RTRAF: variants seen among roughly 807,000 people sequenced by gnomAD.
The protein encoded by RTRAF is tRNA-splicing ligase complex subunit RTRAF.
Under a neutral mutation model 34.4 loss-of-function variants are expected in RTRAF, and 14 were observed. The observed-to-expected ratio is 0.41, with a 90% CI of 0.27 to 0.64. The LOEUF (loss-of-function observed/expected upper bound fraction) is 0.64, where lower values mean the gene tolerates loss of function less well. Ranked by LOEUF, RTRAF falls within the 30% of genes least tolerant of loss-of-function variation. RTRAF has a pLI of 0.34. For missense variants in RTRAF, 291 were observed against 288.4 expected, an observed-to-expected ratio of 1.01 and a Z score of -0.06; for synonymous variants, 96 against 95.3, an observed-to-expected ratio of 1.01 and a Z score of -0.04.
chr14:52,003,507 G>A (rs1406845483), intron 6 of RTRAF, among the ~76,000 whole-genome samples: 1 of 152,080 alleles, frequency 6.6e-6, no homozygotes, highest in East Asian at 1.9e-4. Flanking sequence ...GAAAGTACGG[G>A]TAGTGTGTTT....
chr14:51,991,048 G>A (rs1890425834), intron 1 of RTRAF, among the ~76,000 whole-genome samples: 1 of 152,028 alleles, frequency 6.6e-6, no homozygotes, highest in Non-Finnish European at 1.5e-5. Flanking sequence ...CCCTCATTTT[G>A]TAGCTGAAGA....
intron 2 of RTRAF, among the ~76,000 whole-genome samples, chr14:51,992,055 A>G (rs532548401): frequency 1.3e-5 from 2 of 152,280 alleles, no homozygotes; most frequent in African/African-American, 4.8e-5. Flanking sequence ...TGTCGTGTTT[A>G]TGCTTATATT....
In RTRAF at chr14:51,998,485, T is replaced by C; in HGVS notation, c.287-9T>C. 6.6e-7 allele frequency: 1 copy of C among 1,519,500 alleles called. No homozygotes were observed. Among genetic ancestry groups the C allele is most frequent in the Non-Finnish European group, 8.9e-7 (1 of 1,124,606 alleles). The allele number at this position is 1,519,500 out of a possible 1,614,324, so 94.1% of individuals were successfully genotyped here. ...GTTGTACAAATTATATTTTTGCCTGTTTTTATAGCTGAAAAATACAAGGAT... is the reference window on the plus strand; with the variant it reads ...GTTGTACAAATTATATTTTTGCCTGCTTTTATAGCTGAAAAATACAAGGAT... On this transcript the variant is annotated splice_polypyrimidine_tract_variant and intron_variant, in intron 3 of 7. Transcript: ENST00000261700.
chr14:52,001,929 T>G (rs577955875), intron 6 of RTRAF, 63 bp downstream of exon 6: 2 of 1,372,332 alleles, frequency 1.5e-6, no homozygotes, highest in Admixed American at 2.1e-5. Context: ...GGCCGTGATT[T>G]TAAACTTTGC....
chr14:51,993,853 G>A (rs755362260), intron 3 of RTRAF, 31 bp downstream of exon 3: 6 of 1,341,132 alleles, frequency 4.5e-6, no homozygotes, highest in Non-Finnish European at 5.2e-6. Flanking sequence ...GTATTTTAAA[G>A]AGAGAGGAAA....
Position 52,008,105 on chromosome 14 carries a change from A to C in RTRAF, c.*3589A>C, listed in dbSNP as rs1009586906. 2.6e-5 allele frequency: 16 copies of C among 605,276 alleles called. No individual in the cohort carries two copies. Among genetic ancestry groups the C allele is most frequent in the Non-Finnish European group, 4.5e-5 (16 of 358,174 alleles). The allele number at this position is 605,276 out of a possible 1,614,324, so 37.5% of individuals were successfully genotyped here. Reference sequence around the variant, plus strand: ...CCCCTTGAGTTTGGGCTGCATTAGTAGTGTCTTGCTTCTTCTAGTGCATAG... The same window carrying C: ...CCCCTTGAGTTTGGGCTGCATTAGTCGTGTCTTGCTTCTTCTAGTGCATAG... On this transcript the variant is annotated 3_prime_UTR_variant, in exon 8 of 8. Transcript: ENST00000261700.
chr14:51,992,689 A>G (rs1890451014), intron 2 of RTRAF, among the ~76,000 whole-genome samples: 2 of 152,192 alleles, frequency 1.3e-5, no homozygotes, highest in Non-Finnish European at 2.9e-5. Context: ...ATTCATGTGT[A>G]CAAGACAGTA....
chr14:52,008,059 T>C lies in RTRAF; in HGVS notation c.*3543T>C. On this transcript the variant is annotated 3_prime_UTR_variant, in exon 8 of 8. Transcript: ENST00000261700. ...GCCCCCAGTGATCTCCATCTCCTCA[T>C]GTATTATAGCCTTAAGCAATCCCCT... 1 of 1,022,284 alleles carries C rather than the reference T, an allele frequency of 9.8e-7. No individual in the cohort carries two copies. Among genetic ancestry groups the C allele is most frequent in the Non-Finnish European group, 1.4e-6 (1 of 694,490 alleles). The allele number at this position is 1,022,284 out of a possible 1,614,324, so 63.3% of individuals were successfully genotyped here.
At chr14:51,989,846 C>A in intron 1 of RTRAF, 146 bp downstream of exon 1, 1 of 704,766 alleles carries the variant, frequency 1.4e-6, no homozygotes, top group Non-Finnish European at 2.3e-6. Flanking sequence ...TGGGTCGCCA[C>A]GTACCTCGGC....
At position 51,989,673 on chromosome 14, in the gene RTRAF, C is replaced by A. The variant is rs755141996; in HGVS notation, c.34C>A (p.His12Asn). ...ACGCAAGTTGACGGCTCTCGACTAC[C>A]ACAACCCCGCCGGCTTCAACTGCAA... ...FRRKLTALDYHNPAGFNCKDE... is the reference protein window; with the variant it reads ...FRRKLTALDYNNPAGFNCKDE... The change falls in exon 1 of 8, where the codon CAC becomes AAC. Residue 12 changes from histidine to asparagine, a missense_variant. His to Asn is a moderately conservative substitution (Grantham distance 68). Transcript: ENST00000261700. 3 of 1,605,796 alleles carry A rather than the reference C, an allele frequency of 1.9e-6. No individual in the cohort carries two copies. In the South Asian group the frequency reaches 3.3e-5, roughly 18 times the overall value.
At position 51,993,841 on chromosome 14, in the gene RTRAF, G is replaced by C. The variant is rs758977160; in HGVS notation, c.286+19G>C. On this transcript the variant is annotated intron_variant, in intron 3 of 7. Coordinates refer to ENST00000261700, the MANE Select transcript of RTRAF (RefSeq NM_016039.3). Reference sequence around the variant, plus strand: ...GATAATGGTACGTTTTGTGGGGAATGTGTATTTTAAAGAGAGAGGAAAGAT... The same window carrying C: ...GATAATGGTACGTTTTGTGGGGAATCTGTATTTTAAAGAGAGAGGAAAGAT... 6.7e-5 allele frequency: 96 copies of C among 1,429,986 alleles called. No homozygotes were observed. In the East Asian group the frequency reaches 2.0e-3, roughly 30 times the overall value. The allele number at this position is 1,429,986 out of a possible 1,614,324, so 88.6% of individuals were successfully genotyped here.
In RTRAF at chr14:52,006,627, C is replaced by G. The variant is rs375705872; in HGVS notation, c.*2111C>G. ...GTTTTGAATGACACGCCGTCCAGTT[C>G]CATCAGGTAGTGTACACTCCAGTTT... On this transcript the variant is annotated 3_prime_UTR_variant, in exon 8 of 8. Coordinates refer to ENST00000261700, the MANE Select transcript of RTRAF (RefSeq NM_016039.3). 8.0e-5 allele frequency: 129 copies of G among 1,613,696 alleles called. No homozygotes were observed. Among genetic ancestry groups the G allele is most frequent in the Non-Finnish European group, 1.0e-4 (122 of 1,179,750 alleles).
At position 52,004,831 on chromosome 14, in the gene RTRAF, A is replaced by C. The variant is rs1890692349; in HGVS notation, c.*315A>C. On this transcript the variant is annotated 3_prime_UTR_variant, in exon 8 of 8. Coordinates refer to ENST00000261700, the MANE Select transcript of RTRAF (RefSeq NM_016039.3). ...AGGAAAACTTAAAACACTTTATTGGAGTAATCTAGAAAATTTTAAAATTGT... is the reference window on the plus strand; with the variant it reads ...AGGAAAACTTAAAACACTTTATTGGCGTAATCTAGAAAATTTTAAAATTGT... The C allele has an allele frequency of 4.8e-6, 1 of 208,744 alleles. No individual in the cohort carries two copies. Among genetic ancestry groups the C allele is most frequent in the Non-Finnish European group, 9.4e-6 (1 of 106,128 alleles). The allele number at this position is 208,744 out of a possible 1,614,324, so 12.9% of individuals were successfully genotyped here.
chr14:52,001,979 T>G, intron 6 of RTRAF, 113 bp downstream of exon 6: 3 of 929,158 alleles, frequency 3.2e-6, no homozygotes, highest in Non-Finnish European at 4.8e-6. Context: ...TTCTACAACT[T>G]AGAGAAAGGA....
intron 2 of RTRAF, among the ~76,000 whole-genome samples, chr14:51,993,396 T>C (rs1890465995): frequency 6.6e-6 from 1 of 152,182 alleles, no homozygotes; most frequent in Non-Finnish European, 1.5e-5. Context: ...TTTTAGTTAA[T>C]TGCTCTATGT....
chr14:52,008,041 G>C lies in RTRAF; in HGVS notation c.*3525G>C, dbSNP rs1890859938. 1 of 1,221,484 alleles carries C rather than the reference G, an allele frequency of 8.2e-7. No homozygotes were observed. Among genetic ancestry groups the C allele is most frequent in the African/African-American group, 1.5e-5 (1 of 65,752 alleles). The allele number at this position is 1,221,484 out of a possible 1,614,324, so 75.7% of individuals were successfully genotyped here. A position where few individuals can be genotyped will look rare whatever the true frequency, so the allele number is the denominator to read the frequency against. ...GTAGGCAGCATCTAAGCAGCCCCCA[G>C]TGATCTCCATCTCCTCATGTATTAT... On this transcript the variant is annotated 3_prime_UTR_variant, in exon 8 of 8. Coordinates refer to ENST00000261700, the MANE Select transcript of RTRAF (RefSeq NM_016039.3).
In RTRAF at chr14:52,005,449, G is replaced by T; in HGVS notation, c.*933G>T. 2 of 1,561,818 alleles carry T rather than the reference G, an allele frequency of 1.3e-6. No individual in the cohort carries two copies. Among genetic ancestry groups the T allele is most frequent in the Non-Finnish European group, 1.7e-6 (2 of 1,158,136 alleles). On this transcript the variant is annotated 3_prime_UTR_variant, in exon 8 of 8. Transcript: ENST00000261700. The stretch of plus-strand genomic sequence containing the variant: ...CACTGTTCTTTAGGGTCCAGGTTCT[G>T]ATTGTAAACTCCAAGTCTTCCTTTA...
intron 5 of RTRAF, 41 bp downstream of exon 5, chr14:51,999,837 A>T: frequency 7.1e-7 from 1 of 1,409,786 alleles, no homozygotes; most frequent in Non-Finnish European, 9.9e-7. Flanking sequence ...AACTGTGCAC[A>T]TAGAAAAATG....
chr14:51,991,293 T>C, intron 1 of RTRAF, 24 bp from the exon 2 acceptor site: 4 of 1,607,984 alleles, frequency 2.5e-6, no homozygotes, highest in Non-Finnish European at 3.4e-6. Context: ...CTTCTAGTTA[T>C]TTATGTGATA....
Sources: allele counts gnomAD v4.1 joint callset (sites outside exome capture counted in the v4.1 genomes callset), GRCh38; gene constraint gnomAD v4.1.1; transcripts MANE v1.5; gene names NCBI Gene and HGNC (gene_info 2026-07-23, HGNC 2026-07-21).